The following MAGI3 variants were observed in gnomAD, a reference collection of about 807,000 sequenced individuals.
MAGI3 encodes the protein membrane-associated guanylate kinase, WW and PDZ domain-containing protein 3.
In MAGI3, 43 loss-of-function variants were observed where a neutral mutation model predicts 121.8. The ratio of observed to expected loss-of-function variants is 0.35; its 90% CI spans 0.28 to 0.46. The LOEUF is 0.46. MAGI3 is among the 20% of genes least tolerant of loss of function. The pLI is 1.00. For missense variants in MAGI3, 1,547 were observed against 1,797.3 expected (o/e 0.86, Z 2.52); for synonymous variants, 553 against 639.3 (o/e 0.86, Z 2.04).
chr1:113,684,100 AT>A lies in MAGI3; in HGVS notation c.*87del. ...GAAAAAGCCTTTTTTTTTTTTTCAG[AT>A]ATTCTGAAACAGATAAGTACATGTT... On this transcript the variant is annotated 3_prime_UTR_variant, in exon 21 of 21. Transcript: ENST00000307546. 1 of 1,346,384 alleles carries A rather than the reference AT, an allele frequency of 7.4e-7. No individual in the cohort carries two copies. Among genetic ancestry groups the A allele is most frequent in the Non-Finnish European group, 9.9e-7 (1 of 1,013,040 alleles). The allele number at this position is 1,346,384 out of a possible 1,614,324, so 83.4% of individuals were successfully genotyped here.
At chr1:113,573,945 G>T (rs966016539) in intron 2 of MAGI3, among the ~76,000 whole-genome samples, 5 of 152,042 alleles carry the variant, frequency 3.3e-5, no homozygotes, top group African/African-American at 4.8e-5. Context: ...ATTATGTAAT[G>T]CCCTTCTTTG....
At chr1:113,437,732 T>C (rs1653641908) in intron 1 of MAGI3, among the ~76,000 whole-genome samples, 1 of 150,738 alleles carries the variant, frequency 6.6e-6, no homozygotes, top group Admixed American at 6.6e-5. Context: ...CCTTCTTTCT[T>C]CTTCCTTTCC....
At chr1:113,437,972 A>G (rs1203483535) in intron 1 of MAGI3, among the ~76,000 whole-genome samples, 1 of 146,430 alleles carries the variant, frequency 6.8e-6, no homozygotes, top group Non-Finnish European at 1.5e-5. Flanking sequence ...TTTTTTGAAT[A>G]TATAGAGACA....
At chr1:113,473,376 T>C (rs1168398285) in intron 1 of MAGI3, among the ~76,000 whole-genome samples, 1 of 152,118 alleles carries the variant, frequency 6.6e-6, no homozygotes, top group African/African-American at 2.4e-5. Flanking sequence ...TAACTCATCA[T>C]TTACATTAGG....
At chr1:113,603,699 C>G (rs1310872838) in intron 6 of MAGI3, among the ~76,000 whole-genome samples, 1 of 152,094 alleles carries the variant, frequency 6.6e-6, no homozygotes, top group African/African-American at 2.4e-5. Flanking sequence ...TGACAACCTT[C>G]AGAATGGGAG....
intron 1 of MAGI3, among the ~76,000 whole-genome samples, chr1:113,417,801 A>G (rs1423360764): frequency 6.6e-6 from 1 of 152,112 alleles, no homozygotes; most frequent in African/African-American, 2.4e-5. Context: ...CTTGATCATT[A>G]TTTGATCCCT....
At chr1:113,618,337 C>CA (rs1448924407) in intron 7 of MAGI3, among the ~76,000 whole-genome samples, 21 of 142,490 alleles carry the variant, frequency 1.5e-4, no homozygotes, top group African/African-American at 2.8e-4. Flanking sequence ...TGCCTGTCTC[C>CA]AAAAAAAAAA....
chr1:113,654,827 T>C (rs1219558531), intron 15 of MAGI3, among the ~76,000 whole-genome samples: 2 of 152,180 alleles, frequency 1.3e-5, no homozygotes, highest in Non-Finnish European at 2.9e-5. Context: ...CATGAAAATG[T>C]GCCCTTGCCT....
intron 16 of MAGI3, among the ~76,000 whole-genome samples, chr1:113,666,405 G>A (rs1376980077): frequency 1.3e-5 from 2 of 152,220 alleles, no homozygotes; most frequent in Admixed American, 1.3e-4. Context: ...AGTGTTCACA[G>A]CATCTTCACC....
intron 1 of MAGI3, among the ~76,000 whole-genome samples, chr1:113,494,988 AACAT>A (rs1292737674): frequency 6.6e-6 from 1 of 152,184 alleles, no homozygotes; most frequent in African/African-American, 2.4e-5. Context: ...AACAAACCAA[AACAT>A]ACATTTATGT....
At position 113,512,020 on chromosome 1, in the gene MAGI3, T is replaced by A. The variant is rs568302156; in HGVS notation, c.317-37495T>A. ...TAAGTCTTCTTTATTTCTCTTTAAA[T>A]GTAGAGGTCATTTAGTTCTTTAAGG... On this transcript the variant is annotated intron_variant, in intron 1 of 20. Transcript: ENST00000307546. Among the ~76,000 whole-genome samples the A allele has an allele frequency of 1.9e-4, 29 of 152,334 alleles. No individual in the cohort carries two copies. In the South Asian group the frequency reaches 4.6e-3, roughly 24 times the overall value.
At chr1:113,556,935 T>G (rs1467254142) in intron 2 of MAGI3, among the ~76,000 whole-genome samples, 1 of 152,198 alleles carries the variant, frequency 6.6e-6, no homozygotes, top group African/African-American at 2.4e-5. Flanking sequence ...ACAAATTCTT[T>G]AGAAGACAAA....
intron 1 of MAGI3, among the ~76,000 whole-genome samples, chr1:113,399,109 G>A (rs1651269388): frequency 6.8e-6 from 1 of 147,196 alleles, no homozygotes; most frequent in Non-Finnish European, 1.5e-5. Flanking sequence ...TTTCTTCTGG[G>A]TTGGATTTTT....
chr1:113,614,970 G>C (rs1158455481), intron 7 of MAGI3, among the ~76,000 whole-genome samples: 1 of 152,164 alleles, frequency 6.6e-6, no homozygotes, highest in Admixed American at 6.5e-5. Flanking sequence ...GAGGGCAACA[G>C]ACTAGATGAA....
chr1:113,486,534 T>C (rs1342755110), intron 1 of MAGI3, among the ~76,000 whole-genome samples: 2 of 152,170 alleles, frequency 1.3e-5, no homozygotes, highest in African/African-American at 2.4e-5. Context: ...ATTTTCAATA[T>C]ATTTTTGGGC....
In MAGI3 at chr1:113,422,972, A is replaced by C. The variant is rs914857880; in HGVS notation, c.316+31623A>C. Among the ~76,000 whole-genome samples the C allele has an allele frequency of 1.3e-5, 2 of 152,098 alleles. No individual in the cohort carries two copies. The highest frequency in any genetic ancestry group is 1.3e-4 in the Admixed American group (2 of 15,268). ...GGAATCCTGAGGTCTGGGCCCCCAGAAGGGTTGCCACCCTTCACTTCTGCA... is the reference window on the plus strand; with the variant it reads ...GGAATCCTGAGGTCTGGGCCCCCAGCAGGGTTGCCACCCTTCACTTCTGCA... On this transcript the variant is annotated intron_variant, in intron 1 of 20. Transcript: ENST00000307546. This position sits in a 1 kb window ranked among gnomAD's most constrained non-coding sequence, Gnocchi z 4.3.
chr1:113,628,542 G>A (rs540205432), intron 9 of MAGI3, among the ~76,000 whole-genome samples: 1 of 152,000 alleles, frequency 6.6e-6, no homozygotes. Context: ...CTTATTGCTC[G>A]TTAATGTCCT....
rs1396418519 is a variant in MAGI3, at chr1:113,391,462, C to T, written c.316+113C>T. ...CGTATTGTCCCGGGTAATCTTAGAC[C>T]TCTAGGGTGTGCCAGACTCCTTGAC... is the stretch of plus-strand genomic sequence containing the variant. On this transcript the variant is annotated intron_variant, in intron 1 of 20. Coordinates refer to ENST00000307546, the MANE Select transcript of MAGI3 (RefSeq NM_001142782.2). This position sits in a 1 kb window ranked among gnomAD's most constrained non-coding sequence, Gnocchi z 4.4. 3 of 1,208,932 alleles carry T rather than the reference C, an allele frequency of 2.5e-6. No individual in the cohort carries two copies. Among genetic ancestry groups the T allele is most frequent in the Admixed American group, 2.5e-5 (1 of 40,452 alleles). The allele number at this position is 1,208,932 out of a possible 1,614,324, so 74.9% of individuals were successfully genotyped here. A position where few individuals can be genotyped will look rare whatever the true frequency, so the allele number is the denominator to read the frequency against.
chr1:113,642,350 G>A lies in MAGI3; in HGVS notation c.1800G>A (p.Lys600=), dbSNP rs1557870292. 7.4e-6 allele frequency: 12 copies of A among 1,614,028 alleles called. No individual in the cohort carries two copies. The highest frequency in any genetic ancestry group is 1.7e-5 in the Admixed American group (1 of 60,004). Residue 600 remains lysine, a synonymous_variant, in exon 10 of 21, where the codon AAG becomes AAA. Coordinates refer to ENST00000307546, the MANE Select transcript of MAGI3 (RefSeq NM_001142782.2). ...TTGCTGACAGCCCTACTGGACAGAAGGTGAAAATGATACTGGATAGTCAGT... is the reference window on the plus strand; with the variant it reads ...TTGCTGACAGCCCTACTGGACAGAAAGTGAAAATGATACTGGATAGTCAGT... ...FAIADSPTGQ[K]VKMILDSQWC... is the part of the protein sequence containing the mutation.
Sources: gnomAD v4.1 joint callset for allele counts (sites outside exome capture counted in the v4.1 genomes callset) on GRCh38, gnomAD v4.1.1 for gene constraint, Gnocchi (gnomAD v3.1) non-coding constraint, MANE v1.5 for transcripts, NCBI Gene and HGNC (gene_info 2026-07-23, HGNC 2026-07-21) for gene names.